The following ARHGEF1 variants were observed in gnomAD, a reference collection of about 807,000 sequenced individuals.
ARHGEF1 encodes the protein 115 kDa guanine nucleotide exchange factor.
Under a neutral mutation model 119.7 loss-of-function variants are expected in ARHGEF1, and 40 were observed. The ratio of observed to expected loss-of-function variants is 0.33; its 90% CI spans 0.26 to 0.44. ARHGEF1 has a LOEUF of 0.44. Among genes scored for constraint, ARHGEF1 ranks in the 20% least tolerant of loss-of-function variants. The pLI, the probability that ARHGEF1 is intolerant of heterozygous loss-of-function variation, is 1.00. For synonymous variants in ARHGEF1, 494 were observed against 521.0 expected, an observed-to-expected ratio of 0.95 and a Z score of 0.71; for missense variants, 976 against 1,268.3, an observed-to-expected ratio of 0.77 and a Z score of 3.50.
At chr19:41,924,863 G>A (rs2074862451) in intron 1 of ARHGEF1, among the ~76,000 whole-genome samples, 1 of 152,190 alleles carries the variant, frequency 6.6e-6, no homozygotes, top group South Asian at 2.1e-4. Context: ...GGAGACAGGT[G>A]TGAGAGATCT....
At chr19:41,891,132 G>C (rs1335866857) in intron 4 of ARHGEF1, among the ~76,000 whole-genome samples, 2 of 151,980 alleles carry the variant, frequency 1.3e-5, no homozygotes, top group Non-Finnish European at 2.9e-5. Flanking sequence ...CCACCATCTG[G>C]GACACAGATG....
At chr19:41,899,851 A>G (rs1555848686) in intron 14 of ARHGEF1, among the ~76,000 whole-genome samples, 1 of 151,962 alleles carries the variant, frequency 6.6e-6, no homozygotes, top group Non-Finnish European at 1.5e-5. Context: ...AGTGAAAAAG[A>G]TACTTATTCA....
chr19:41,908,667 C>T, downstream of ARHGEF1: 1 of 1,231,474 alleles, frequency 8.1e-7, no homozygotes, highest in Non-Finnish European at 1.0e-6. This position sits in a 1 kb window ranked among gnomAD's most constrained non-coding sequence, Gnocchi z 6.7. Context: ...CTTGGAATAG[C>T]TGGTGGCACC....
chr19:41,926,688 G>C (rs1020829167), intron 1 of ARHGEF1, among the ~76,000 whole-genome samples: 49 of 152,096 alleles, frequency 3.2e-4, no homozygotes, highest in Admixed American at 1.0e-3. Flanking sequence ...GATGCGGAGC[G>C]CGTCTGGGCC....
upstream of ARHGEF1, among the ~76,000 whole-genome samples, chr19:41,921,494 GAGAGAC>G (rs778495787): frequency 0.012 from 1,757 of 152,252 alleles, 22 homozygotes; most frequent in South Asian, 0.068. This position sits in a 1 kb window ranked among gnomAD's most constrained non-coding sequence, Gnocchi z 4.4. Context: ...AGAGAGAAGA[GAGAGAC>G]AGAGACAGAG....
Position 41,888,172 on chromosome 19 carries a change from GCTGCCCTCC to G in ARHGEF1, c.25-17_25-9del. ...TGGGTGGAGAGTCCTGTGGACTGAA[GCTGCCCTCC>G]CTTTCCACAGGCCTCCCCAGGCCCC... On this transcript the variant is annotated splice_polypyrimidine_tract_variant and intron_variant, in intron 2 of 28. Transcript: ENST00000354532. This position sits in a 1 kb window ranked among gnomAD's most constrained non-coding sequence, Gnocchi z 5.1. 1 of 1,614,040 alleles carries G rather than the reference GCTGCCCTCC, an allele frequency of 6.2e-7. No individual in the cohort carries two copies. The highest frequency in any genetic ancestry group is 8.5e-7 in the Non-Finnish European group (1 of 1,179,936).
intron 11 of ARHGEF1, 27 bp downstream of exon 11, chr19:41,894,688 A>G: frequency 1.9e-6 from 3 of 1,613,408 alleles, no homozygotes; most frequent in Non-Finnish European, 1.7e-6. Context: ...CATAGCATCC[A>G]TACTGGGGGC....
chr19:41,896,751 CCCTT>C (rs1171031138), intron 13 of ARHGEF1: 2 of 621,590 alleles, frequency 3.2e-6, no homozygotes, highest in African/African-American at 1.8e-5. Flanking sequence ...TTCTCCTCCT[CCCTT>C]CCTCTCCACC....
chr19:41,919,863 C>T (rs782196135), upstream of ARHGEF1, among the ~76,000 whole-genome samples: 5 of 152,134 alleles, frequency 3.3e-5, no homozygotes, highest in Non-Finnish European at 5.9e-5. Flanking sequence ...GGCACAACTC[C>T]AGAGCTTTGG....
downstream of ARHGEF1, chr19:41,908,283 T>G (rs1026065140): frequency 6.5e-6 from 8 of 1,231,388 alleles, no homozygotes; most frequent in African/African-American, 9.3e-5. This position sits in a 1 kb window ranked among gnomAD's most constrained non-coding sequence, Gnocchi z 6.7. Flanking sequence ...CGGGAGACCC[T>G]CATCGCCCTC....
Position 41,898,508 on chromosome 19 carries a change from C to T in ARHGEF1, c.1188C>T (p.Pro396=), listed in dbSNP as rs182862957. The T allele has an allele frequency of 1.1e-5, 17 of 1,555,946 alleles. No individual in the cohort carries two copies. The highest frequency in any genetic ancestry group is 4.1e-5 in the African/African-American group (3 of 73,242). The change falls in exon 14 of 29, where the codon CCC becomes CCT. Residue 396 remains proline (P), a synonymous_variant. Transcript: ENST00000354532. ...SGLELEPEEP[P]GWRELVPPDT... ...TGGAGCTTGAACCAGAAGAGCCTCC[C>T]GGCTGGCGGGAACTCGTCCCCCCAG... is the stretch of plus-strand genomic sequence containing the variant.
At chr19:41,921,266 GA>G (rs2074840724), upstream of ARHGEF1, among the ~76,000 whole-genome samples, 1 of 152,148 alleles carries the variant, frequency 6.6e-6, no homozygotes, top group African/African-American at 2.4e-5. The surrounding 1 kb of genome is among the most constrained non-coding windows in gnomAD (Gnocchi z 4.4). Context: ...GGGGCACAGA[GA>G]AGGGGAGACA....
chr19:41,889,822 G>T lies in ARHGEF1; in HGVS notation c.225+957G>T, dbSNP rs1279320219. On this transcript the variant is annotated intron_variant, in intron 4 of 28. Coordinates refer to ENST00000354532, the MANE Select transcript of ARHGEF1 (RefSeq NM_004706.4). This position sits in a 1 kb window ranked among gnomAD's most constrained non-coding sequence, Gnocchi z 4.0. ...CCCTGTCTACATTCTCTTTCCAGAA[G>T]AGTGGTTCCCCCGACAACCACATGC... 2 of 152,352 alleles carry T rather than the reference G, an allele frequency of 1.3e-5. No homozygotes were observed. The highest frequency in any genetic ancestry group is 3.4e-3 in the Middle Eastern group (1 of 294). The allele number at this position is 152,352 out of a possible 1,614,324, so 9.4% of individuals were successfully genotyped here. A position where few individuals can be genotyped will look rare whatever the true frequency, so the allele number is the denominator to read the frequency against.
At chr19:41,894,156 G>GTC (rs1206048909) in intron 8 of ARHGEF1, 51 bp from the exon 9 acceptor site, 2 of 1,070,686 alleles carry the variant, frequency 1.9e-6, no homozygotes, top group Non-Finnish European at 1.3e-6. Context: ...GTGTGTGTGT[G>GTC]TGTGTGTGTG....
chr19:41,909,208 T>G (rs1342761968), downstream of ARHGEF1: 3 of 1,231,130 alleles, frequency 2.4e-6, no homozygotes, highest in African/African-American at 4.7e-5. This position sits in a 1 kb window ranked among gnomAD's most constrained non-coding sequence, Gnocchi z 5.2. Context: ...GCCGCCCTTC[T>G]CAGACTGTCC....
Position 41,906,843 on chromosome 19 carries a change from G to A in ARHGEF1, c.*17+40G>A, listed in dbSNP as rs782628690. 6.0e-6 allele frequency: 9 copies of A among 1,504,316 alleles called. No homozygotes were observed. Among genetic ancestry groups the A allele is most frequent in the Non-Finnish European group, 8.1e-6 (9 of 1,109,890 alleles). The allele number at this position is 1,504,316 out of a possible 1,614,324, so 93.2% of individuals were successfully genotyped here. ...TGGGGGCCAGGGCGCTGTCCTGAAA[G>A]GAGGGTCCCCCTCCAGAGCTCGCAT... On this transcript the variant is annotated intron_variant, in intron 28 of 28. Coordinates refer to ENST00000354532, the MANE Select transcript of ARHGEF1 (RefSeq NM_004706.4). The surrounding 1 kb of genome is among the most constrained non-coding windows in gnomAD (Gnocchi z 4.5).
At chr19:41,927,966 C>A (rs1555853418) in intron 1 of ARHGEF1, 1 of 152,142 alleles carries the variant, frequency 6.6e-6, no homozygotes, top group African/African-American at 2.4e-5. Context: ...GGGACCACCC[C>A]CGCGCCCGCC....
chr19:41,897,248 T>G (rs1167811845), intron 13 of ARHGEF1: 2 of 1,278,714 alleles, frequency 1.6e-6, no homozygotes, highest in East Asian at 5.7e-5. Context: ...GACCCTTTGG[T>G]GGGTGCGGGG....
At chr19:41,918,495 A>G (rs932155143), upstream of ARHGEF1, among the ~76,000 whole-genome samples, 1 of 145,640 alleles carries the variant, frequency 6.9e-6, no homozygotes, top group Non-Finnish European at 1.5e-5. Context: ...CACCACACAC[A>G]CATCACACAC....
Sources: gnomAD v4.1 joint callset for allele counts (sites outside exome capture counted in the v4.1 genomes callset) on GRCh38, gnomAD v4.1.1 for gene constraint, Gnocchi (gnomAD v3.1) non-coding constraint, MANE v1.5 for transcripts, NCBI Gene and HGNC (gene_info 2026-07-23, HGNC 2026-07-21) for gene names.